PHLPP1: variants seen among roughly 807,000 people sequenced by gnomAD.
PHLPP1 encodes PH domain leucine-rich repeat-containing protein phosphatase 1.
Under a neutral mutation model 117.2 loss-of-function variants are expected in PHLPP1, and 42 were observed. That is an observed-to-expected ratio of 0.36 (90% confidence interval 0.28 to 0.46). PHLPP1 has a LOEUF of 0.46. Ranked by LOEUF, PHLPP1 falls within the 20% of genes least tolerant of loss-of-function variation. PHLPP1 has a pLI of 1.00. For missense variants in PHLPP1, 2,084 were observed against 2,241.9 expected (o/e 0.93, Z 1.42); for synonymous variants, 1,042 against 970.7 (o/e 1.07, Z -1.37).
chr18:62,864,384 T>A (rs1281447149), intron 4 of PHLPP1, among the ~76,000 whole-genome samples: 1 of 152,186 alleles, frequency 6.6e-6, no homozygotes, highest in Non-Finnish European at 1.5e-5. Context: ...AGATCCATCT[T>A]CTGTAACTTC....
intron 10 of PHLPP1, among the ~76,000 whole-genome samples, chr18:62,922,911 A>C (rs886631084): frequency 4.6e-5 from 7 of 152,306 alleles, no homozygotes; most frequent in African/African-American, 1.4e-4. Flanking sequence ...CACTGCCTTC[A>C]TTGTTGGCTT....
intron 2 of PHLPP1, among the ~76,000 whole-genome samples, chr18:62,835,058 T>C (rs1366295962): frequency 2.0e-5 from 3 of 152,194 alleles, no homozygotes; most frequent in Non-Finnish European, 4.4e-5. Context: ...ATGATGCCTG[T>C]AGGTTTTTTT....
At chr18:62,761,366 C>T (rs1912223589) in intron 1 of PHLPP1, among the ~76,000 whole-genome samples, 1 of 152,126 alleles carries the variant, frequency 6.6e-6, no homozygotes, top group African/African-American at 2.4e-5. Flanking sequence ...GGCGCAGTGG[C>T]TCACGCCTGT....
chr18:62,782,579 C>T (rs1342473558), intron 1 of PHLPP1, among the ~76,000 whole-genome samples: 1 of 152,196 alleles, frequency 6.6e-6, no homozygotes, highest in African/African-American at 2.4e-5. Context: ...GCTATATGCA[C>T]TCCATCTTTT....
chr18:62,912,357 ATT>A (rs34312332), intron 8 of PHLPP1, among the ~76,000 whole-genome samples: 33 of 146,988 alleles, frequency 2.2e-4, no homozygotes, highest in East Asian at 1.2e-3. Flanking sequence ...CAAAAAAAAA[ATT>A]TTTTTTTATT....
intron 1 of PHLPP1, among the ~76,000 whole-genome samples, chr18:62,737,887 T>A (rs1475679380): frequency 6.6e-6 from 1 of 152,114 alleles, no homozygotes; most frequent in Non-Finnish European, 1.5e-5. Context: ...TGTTGGGTTT[T>A]AATGAATGAT....
intron 1 of PHLPP1, among the ~76,000 whole-genome samples, chr18:62,727,902 A>G (rs574815171): frequency 1.3e-5 from 2 of 152,148 alleles, no homozygotes; most frequent in Admixed American, 6.5e-5. Flanking sequence ...TGGATTCTGT[A>G]TCATCTCTAA....
At chr18:62,844,488 G>A (rs1330216368) in intron 3 of PHLPP1, among the ~76,000 whole-genome samples, 2 of 151,860 alleles carry the variant, frequency 1.3e-5, no homozygotes, top group African/African-American at 4.8e-5. Context: ...AGAGATAATT[G>A]TGTAGTAACC....
At chr18:62,837,116 A>G (rs1433230559) in intron 2 of PHLPP1, among the ~76,000 whole-genome samples, 2 of 152,108 alleles carry the variant, frequency 1.3e-5, no homozygotes, top group Non-Finnish European at 2.9e-5. Context: ...CTGAGTAGCT[A>G]TAGGACTACA....
intron 10 of PHLPP1, among the ~76,000 whole-genome samples, chr18:62,928,202 G>A (rs554646672): frequency 4.6e-5 from 7 of 152,146 alleles, no homozygotes; most frequent in African/African-American, 1.7e-4. Context: ...AGATAAATTG[G>A]ATTTGATCAA....
chr18:62,766,559 C>T (rs1912540892), intron 1 of PHLPP1, among the ~76,000 whole-genome samples: 1 of 152,136 alleles, frequency 6.6e-6, no homozygotes, highest in Non-Finnish European at 1.5e-5. Context: ...GCACCTGTGA[C>T]TAGGTAGAGA....
intron 1 of PHLPP1, among the ~76,000 whole-genome samples, chr18:62,740,354 C>T (rs1437218796): frequency 1.3e-5 from 2 of 151,978 alleles, no homozygotes; most frequent in African/African-American, 2.4e-5. Context: ...TTTCTTATGA[C>T]TTACAGGTAA....
At chr18:62,825,734 A>G (rs1273201256) in intron 1 of PHLPP1, among the ~76,000 whole-genome samples, 1 of 152,074 alleles carries the variant, frequency 6.6e-6, no homozygotes, top group Non-Finnish European at 1.5e-5. Flanking sequence ...GATTACAGGC[A>G]TAAGCCACTG....
intron 6 of PHLPP1, among the ~76,000 whole-genome samples, chr18:62,896,608 T>C (rs1322874797): frequency 6.6e-6 from 1 of 152,102 alleles, no homozygotes; most frequent in African/African-American, 2.4e-5. Context: ...TTTTTGTTGT[T>C]GTTTTTAAAG....
Position 62,978,294 on chromosome 18 carries a change from G to T in PHLPP1, c.4017G>T (p.Thr1339=). 1.9e-6 allele frequency: 3 copies of T among 1,610,906 alleles called. No individual in the cohort carries two copies. The highest frequency in any genetic ancestry group is 2.5e-6 in the Non-Finnish European group (3 of 1,177,914). Residue 1339 remains threonine (T), a synonymous_variant, in exon 17 of 17, where the codon ACG becomes ACT. Coordinates refer to ENST00000262719, the MANE Select transcript of PHLPP1 (RefSeq NM_194449.4). The surrounding 1 kb of genome is among the most constrained non-coding windows in gnomAD (Gnocchi z 7.0). ...AGGTGAACGGAGTGACTGAGTCCAC[G>T]CGCATCCTGGGCTACACCTTCCTCC... The part of the protein sequence containing the change: ...DGKVNGVTES[T]RILGYTFLHP...
intron 12 of PHLPP1, among the ~76,000 whole-genome samples, chr18:62,947,485 A>T (rs1910331445): frequency 6.6e-6 from 1 of 152,198 alleles, no homozygotes; most frequent in African/African-American, 2.4e-5. Flanking sequence ...TAGACCTTCC[A>T]GGGTTTCCTC....
intron 4 of PHLPP1, among the ~76,000 whole-genome samples, chr18:62,888,179 C>A (rs895956009): frequency 2.6e-5 from 4 of 152,062 alleles, no homozygotes; most frequent in Non-Finnish European, 5.9e-5. Flanking sequence ...GATTCTCTTC[C>A]ACTTATCTAT....
chr18:62,775,014 A>T (rs571032724), intron 1 of PHLPP1, among the ~76,000 whole-genome samples: 1 of 152,282 alleles, frequency 6.6e-6, no homozygotes. Context: ...ATTTCAGTCC[A>T]CCTTCCAACC....
intron 1 of PHLPP1, among the ~76,000 whole-genome samples, chr18:62,725,103 A>G (rs1045299799): frequency 1.3e-5 from 2 of 152,326 alleles, no homozygotes; most frequent in East Asian, 3.9e-4. Flanking sequence ...TCACACCTGT[A>G]ATCCCAGCAC....
Sources: allele counts gnomAD v4.1 joint callset (sites outside exome capture counted in the v4.1 genomes callset), GRCh38; gene constraint gnomAD v4.1.1; non-coding constraint Gnocchi (gnomAD v3.1); transcripts MANE v1.5; gene names NCBI Gene and HGNC (gene_info 2026-07-23, HGNC 2026-07-21).